The following ITGAV variants were observed in gnomAD, a reference collection of about 807,000 sequenced individuals.
ITGAV encodes integrin alpha-V.
Under a neutral mutation model 143.8 loss-of-function variants are expected in ITGAV, and 76 were observed. The ratio of observed to expected loss-of-function variants is 0.53; its 90% CI spans 0.44 to 0.64. ITGAV has a LOEUF of 0.64. Among genes scored for constraint, ITGAV ranks in the 30% least tolerant of loss-of-function variants. The pLI is 0.00. For synonymous variants in ITGAV, 453 were observed against 446.7 expected (o/e 1.01, Z -0.18); for missense variants, 1,193 against 1,274.7 (o/e 0.94, Z 0.98).
intron 12 of ITGAV, 95 bp from the exon 13 acceptor site, chr2:186,646,591 T>TC: frequency 1.2e-6 from 1 of 801,622 alleles, no homozygotes; most frequent in Non-Finnish European, 2.0e-6. Context: ...CTTGCCCTCT[T>TC]CCCCCCTTCT....
intron 5 of ITGAV, among the ~76,000 whole-genome samples, chr2:186,632,151 C>T (rs922962547): frequency 2.6e-5 from 4 of 151,884 alleles, no homozygotes; most frequent in African/African-American, 9.7e-5. Context: ...CTCTAAATTT[C>T]ATACTATATT....
intron 15 of ITGAV, among the ~76,000 whole-genome samples, chr2:186,652,962 G>A (rs1331611062): frequency 1.7e-5 from 2 of 120,170 alleles, no homozygotes; most frequent in African/African-American, 3.4e-5. Context: ...TTTTTGAGAC[G>A]GAGTCTCGCT....
At position 186,649,878 on chromosome 2, in the gene ITGAV, T is replaced by TCCG; in HGVS notation, c.1390_1391insCCG (p.Leu464delinsSerVal). On this transcript the variant is annotated protein_altering_variant, in exon 14 of 30. Transcript: ENST00000261023. ...AGCTTTTGGTGTAGATCGAGCTATCTTATACAGGTGAGCATTTTCTGTATC... is the reference window on the plus strand; with the variant it reads ...AGCTTTTGGTGTAGATCGAGCTATCTCCGTATACAGGTGAGCATTTTCTGTATC... The TCCG allele has an allele frequency of 6.7e-7, 1 of 1,484,118 alleles. No homozygotes were observed. The highest frequency in any genetic ancestry group is 9.0e-7 in the Non-Finnish European group (1 of 1,113,808). The allele number at this position is 1,484,118 out of a possible 1,614,324, so 91.9% of individuals were successfully genotyped here.
chr2:186,658,870 A>G (rs958367546), intron 17 of ITGAV, among the ~76,000 whole-genome samples, 168 bp from the exon 18 acceptor site: 1 of 152,166 alleles, frequency 6.6e-6, no homozygotes, highest in East Asian at 1.9e-4. Flanking sequence ...TGATAAGGAT[A>G]ATCTTCTTTT....
Position 186,659,062 on chromosome 2 carries a change from C to G in ITGAV, c.1744C>G (p.Leu582Val), listed in dbSNP as rs1482412027. The G allele has an allele frequency of 3.1e-6, 5 of 1,609,440 alleles. No individual in the cohort carries two copies. The highest frequency in any genetic ancestry group is 1.3e-5 in the African/African-American group (1 of 74,794). ...GGATGAATCTGAATTTAGAGACAAA[C>G]TCACTCCAATTACTATTTTTATGGA... ...LRDESEFRDK[L>V]TPITIFMEYR... The change falls in exon 18 of 30, where the codon CTC (leucine) becomes GTC (valine). Residue 582 changes from leucine (L) to valine (V), a missense_variant. Transcript: ENST00000261023.
chr2:186,630,771 G>T, intron 4 of ITGAV, 26 bp from the exon 5 acceptor site: 1 of 1,324,558 alleles, frequency 7.5e-7, no homozygotes. Context: ...TTGGGTTTGT[G>T]TATATTTCCA....
At chr2:186,632,407 A>G (rs1016162051) in intron 5 of ITGAV, among the ~76,000 whole-genome samples, 1 of 139,716 alleles carries the variant, frequency 7.2e-6, no homozygotes, top group African/African-American at 2.8e-5. Flanking sequence ...TTTAGGGCAG[A>G]TGACTTAGAA....
chr2:186,643,493 GTA>G (rs1343193174), intron 12 of ITGAV, among the ~76,000 whole-genome samples: 1 of 152,150 alleles, frequency 6.6e-6, no homozygotes, highest in Non-Finnish European at 1.5e-5. Flanking sequence ...CATTATACAT[GTA>G]TATGTTCTAT....
intron 2 of ITGAV, among the ~76,000 whole-genome samples, chr2:186,604,251 AG>A (rs1387040178): frequency 1.3e-5 from 2 of 152,104 alleles, no homozygotes; most frequent in African/African-American, 4.8e-5. Context: ...CTTGAAAAAA[AG>A]GCAACTCAAA....
intron 18 of ITGAV, among the ~76,000 whole-genome samples, chr2:186,659,916 G>A (rs1026010237): frequency 5.9e-5 from 9 of 151,448 alleles, no homozygotes; most frequent in Non-Finnish European, 1.0e-4. Flanking sequence ...CATAGTATAT[G>A]TGCCATTTTC....
chr2:186,616,371 C>T (rs1163748879), intron 2 of ITGAV, among the ~76,000 whole-genome samples: 1 of 149,146 alleles, frequency 6.7e-6, no homozygotes, highest in Non-Finnish European at 1.5e-5. Context: ...CTCCGCCTCC[C>T]GGGTTCACGC....
chr2:186,661,544 G>GT (rs1048539190), intron 18 of ITGAV, among the ~76,000 whole-genome samples: 3 of 149,736 alleles, frequency 2.0e-5, no homozygotes, highest in African/African-American at 7.4e-5. Flanking sequence ...AAAGAGTTGG[G>GT]TTTTTTTCTC....
chr2:186,619,681 A>G (rs1183886139), intron 2 of ITGAV, among the ~76,000 whole-genome samples: 4 of 152,144 alleles, frequency 2.6e-5, no homozygotes, highest in Admixed American at 6.5e-5. Context: ...TAAAATTATT[A>G]TATTTCAATT....
chr2:186,596,096 A>G (rs1277740584), intron 1 of ITGAV, among the ~76,000 whole-genome samples: 1 of 152,194 alleles, frequency 6.6e-6, no homozygotes, highest in Non-Finnish European at 1.5e-5. Flanking sequence ...ATTAAATCCC[A>G]TCATCTTGTA....
chr2:186,653,543 T>C (rs1688502542), intron 15 of ITGAV, among the ~76,000 whole-genome samples: 1 of 152,224 alleles, frequency 6.6e-6, no homozygotes, highest in Admixed American at 6.5e-5. Flanking sequence ...ATTATTGTTA[T>C]AGTTATTAAA....
In ITGAV at chr2:186,608,649, T is replaced by C. The variant is rs3768779; in HGVS notation, c.316+6498T>C. On this transcript the variant is annotated intron_variant, in intron 2 of 29. Transcript: ENST00000261023. ...TTTTTTTCTTACTGATGTTATAGTATGTTTGTTTTCCTGAGTAGACTATAA... is the reference window on the plus strand; with the variant it reads ...TTTTTTTCTTACTGATGTTATAGTACGTTTGTTTTCCTGAGTAGACTATAA... Among the ~76,000 whole-genome samples, 23 of 152,246 alleles carry C rather than the reference T, an allele frequency of 1.5e-4. No individual in the cohort carries two copies. In the East Asian group the frequency reaches 4.4e-3, roughly 29 times the overall value.
intron 26 of ITGAV, 125 bp downstream of exon 26, chr2:186,669,939 A>G: frequency 1.5e-6 from 1 of 682,856 alleles, no homozygotes; most frequent in Non-Finnish European, 2.6e-6. Flanking sequence ...TTTTTATACC[A>G]TGCATTCCTC....
At chr2:186,614,355 T>G (rs1687295649) in intron 2 of ITGAV, among the ~76,000 whole-genome samples, 1 of 152,030 alleles carries the variant, frequency 6.6e-6, no homozygotes, top group South Asian at 2.1e-4. Flanking sequence ...CATAAAGTTA[T>G]AATTTACTCT....
intron 12 of ITGAV, among the ~76,000 whole-genome samples, chr2:186,645,903 T>C (rs1574487700): frequency 6.6e-6 from 1 of 151,432 alleles, no homozygotes; most frequent in Non-Finnish European, 1.5e-5. Context: ...ACCCAGGAGG[T>C]GGAGCTTGCA....
Sources: gnomAD v4.1 joint callset for allele counts (sites outside exome capture counted in the v4.1 genomes callset) on GRCh38, gnomAD v4.1.1 for gene constraint, MANE v1.5 for transcripts, NCBI Gene and HGNC (gene_info 2026-07-23, HGNC 2026-07-21) for gene names.